Variants in UBE2E1 observed in about 807,000 individuals in gnomAD.
The protein encoded by UBE2E1 is ubiquitin-conjugating enzyme E2 E1.
A neutral mutation model predicts 21.4 loss-of-function variants in UBE2E1; 6 were observed. The observed-to-expected ratio is 0.28, with a 90% CI of 0.15 to 0.55. The LOEUF is 0.55. Ranked by LOEUF, UBE2E1 falls within the 20% of genes least tolerant of loss-of-function variation. The pLI, the probability that UBE2E1 is intolerant of heterozygous loss-of-function variation, is 0.93. For missense variants in UBE2E1, 142 were observed against 236.5 expected (o/e 0.60, Z 2.62); for synonymous variants, 87 against 82.7 (o/e 1.05, Z -0.28).
chr3:23,882,497 G>A (rs1482661855), intron 3 of UBE2E1, among the ~76,000 whole-genome samples: 1 of 152,232 alleles, frequency 6.6e-6, no homozygotes, highest in Admixed American at 6.5e-5. Flanking sequence ...GGGGCTGCGG[G>A]CGGAGCTGCC....
rs567914516 is a variant in UBE2E1 at position 23,871,728 on chromosome 3, C to T, written c.204-15839C>T. Among the ~76,000 whole-genome samples the T allele has an allele frequency of 3.9e-3, 590 of 151,338 alleles. 5 individuals are homozygous for T. The highest frequency in any genetic ancestry group is 0.012 in the African/African-American group (512 of 41,246). ...GCCGGGTAGAGGTGCTCCTCACATC[C>T]CAGACGGGGCGGCGGGGCAAAGGCG... On this transcript the variant is annotated intron_variant, in intron 3 of 5. Transcript: ENST00000306627.
At chr3:23,861,398 C>T (rs916805830) in intron 3 of UBE2E1, among the ~76,000 whole-genome samples, 3 of 152,150 alleles carry the variant, frequency 2.0e-5, no homozygotes, top group Non-Finnish European at 4.4e-5. Flanking sequence ...TCTGTTACCT[C>T]ACTCCTGATA....
chr3:23,840,321 G>A (rs1213554805), intron 3 of UBE2E1, among the ~76,000 whole-genome samples: 1 of 152,172 alleles, frequency 6.6e-6, no homozygotes, highest in Admixed American at 6.5e-5. Flanking sequence ...TCAAGCCCCT[G>A]CACATGCGTG....
chr3:23,824,855 C>T (rs1198670948), intron 3 of UBE2E1, among the ~76,000 whole-genome samples: 1 of 152,066 alleles, frequency 6.6e-6, no homozygotes, highest in African/African-American at 2.4e-5. Flanking sequence ...GTGAAGTTTT[C>T]TCAGAAATTT....
chr3:23,854,481 G>A (rs929938193), intron 3 of UBE2E1, among the ~76,000 whole-genome samples: 3 of 152,172 alleles, frequency 2.0e-5, no homozygotes, highest in Admixed American at 6.5e-5. Context: ...TAATGACACT[G>A]TCTGTCCCTT....
In UBE2E1 at chr3:23,887,448, A is replaced by T; in HGVS notation, c.204-119A>T. On this transcript the variant is annotated intron_variant, in intron 3 of 5. Transcript: ENST00000306627. This position sits in a 1 kb window ranked among gnomAD's most constrained non-coding sequence, Gnocchi z 4.4. Reference sequence around the variant, plus strand: ...CATCCGTTTCTGTACTTGTTTTGTAAAGAGAATCCACACAGTAAACAAAAG... The same window carrying T: ...CATCCGTTTCTGTACTTGTTTTGTATAGAGAATCCACACAGTAAACAAAAG... 1 of 1,351,342 alleles carries T rather than the reference A, an allele frequency of 7.4e-7. No homozygotes were observed. Among genetic ancestry groups the T allele is most frequent in the East Asian group, 2.4e-5 (1 of 40,894 alleles). 83.7% of individuals were successfully genotyped at this position (1,351,342 alleles called of 1,614,324 possible).
At position 23,807,234 on chromosome 3, in the gene UBE2E1, C is replaced by G; in HGVS notation, c.-33-3C>G. ...TTTCTGTTTTGTTTCTCTCCCCCTG[C>G]AGGGGCTGTTTGCGGGGTGGGGTGG... On this transcript the variant is annotated splice_polypyrimidine_tract_variant and splice_region_variant and intron_variant, in intron 1 of 5. Coordinates refer to ENST00000306627, the MANE Select transcript of UBE2E1 (RefSeq NM_003341.5). 6.3e-7 allele frequency: 1 copy of G among 1,596,670 alleles called. No individual in the cohort carries two copies. The highest frequency in any genetic ancestry group is 8.5e-7 in the Non-Finnish European group (1 of 1,173,366).
At chr3:23,866,038 A>C (rs1377330818) in intron 3 of UBE2E1, among the ~76,000 whole-genome samples, 1 of 152,170 alleles carries the variant, frequency 6.6e-6, no homozygotes, top group Non-Finnish European at 1.5e-5. Context: ...TGAGAAAGCA[A>C]CCAGACCCTC....
intron 3 of UBE2E1, among the ~76,000 whole-genome samples, chr3:23,826,811 G>C (rs1405444189): frequency 6.6e-6 from 1 of 152,162 alleles, no homozygotes; most frequent in African/African-American, 2.4e-5. Context: ...TGGAGTAGCA[G>C]TGTAATCATT....
rs150757268 is a variant in UBE2E1, at chr3:23,824,514, A to G, written c.203+13004A>G. On this transcript the variant is annotated intron_variant, in intron 3 of 5. Transcript: ENST00000306627. ...ATAGTCCAATTTTCATTGCTTTCCA[A>G]GATTTGAACTTTCTATCTGAATGTA... Among the ~76,000 whole-genome samples the G allele has an allele frequency of 9.9e-5, 15 of 152,270 alleles. No individual in the cohort carries two copies. The East Asian group carries it at 2.9e-3, about 29-fold the overall frequency.
intron 3 of UBE2E1, among the ~76,000 whole-genome samples, chr3:23,885,320 G>C (rs920941394): frequency 6.6e-6 from 1 of 152,172 alleles, no homozygotes. Context: ...AAAGTTTCGA[G>C]GGGATGCAAA....
chr3:23,826,769 C>G (rs1029767694), intron 3 of UBE2E1, among the ~76,000 whole-genome samples: 1 of 152,036 alleles, frequency 6.6e-6, no homozygotes, highest in African/African-American at 2.4e-5. Context: ...AAGGGGAGGT[C>G]TAAACACATG....
At chr3:23,844,027 C>A (rs1559482926) in intron 3 of UBE2E1, among the ~76,000 whole-genome samples, 2 of 152,140 alleles carry the variant, frequency 1.3e-5, no homozygotes, top group Non-Finnish European at 2.9e-5. Flanking sequence ...GCTCTTAGGG[C>A]TCCTTTAATG....
chr3:23,846,760 T>C (rs898100830), intron 3 of UBE2E1, among the ~76,000 whole-genome samples: 1 of 151,540 alleles, frequency 6.6e-6, no homozygotes. Flanking sequence ...GTTTAAGCTG[T>C]ATTTAATAAG....
chr3:23,888,200 C>T (rs924091106), intron 4 of UBE2E1: 11 of 456,756 alleles, frequency 2.4e-5, no homozygotes, highest in African/African-American at 2.2e-4. Context: ...TTCTGTTGTG[C>T]TCCCTGTCAT....
At chr3:23,862,013 T>G (rs1220793932) in intron 3 of UBE2E1, among the ~76,000 whole-genome samples, 2 of 152,156 alleles carry the variant, frequency 1.3e-5, no homozygotes, top group African/African-American at 4.8e-5. Context: ...CTGTAACATA[T>G]GCCCACTGGG....
chr3:23,857,716 C>A (rs891838379), intron 3 of UBE2E1, among the ~76,000 whole-genome samples: 7 of 152,206 alleles, frequency 4.6e-5, no homozygotes, highest in Non-Finnish European at 7.3e-5. Flanking sequence ...ACTCCAAGAG[C>A]TGTTGTGCTC....
chr3:23,860,131 G>A (rs1183732655), intron 3 of UBE2E1, among the ~76,000 whole-genome samples: 1 of 152,206 alleles, frequency 6.6e-6, no homozygotes, highest in Non-Finnish European at 1.5e-5. Context: ...GAAATTCAGA[G>A]CTCAGCCCTT....
chr3:23,842,238 TGTGTGTGTGTGG>T lies in UBE2E1; in HGVS notation c.203+30729_203+30740del, dbSNP rs1559482434. On this transcript the variant is annotated intron_variant, in intron 3 of 5. Coordinates refer to ENST00000306627, the MANE Select transcript of UBE2E1 (RefSeq NM_003341.5). The surrounding 1 kb of genome is among the most constrained non-coding windows in gnomAD (Gnocchi z 4.6). ...GTGTGTGTGTGTGTGTGTGTGTGTG[TGTGTGTGTGTGG>T]TGTTGTTGTTGTTGGCGACAGGGTC... Among the ~76,000 whole-genome samples, 1,514 of 75,568 alleles carry T rather than the reference TGTGTGTGTGTGG, an allele frequency of 0.02. 15 individuals carry two copies. The highest frequency in any genetic ancestry group is 0.026 in the African/African-American group (498 of 19,010). The allele number at this position is 75,568 out of a possible 152,430, so 49.6% of individuals were successfully genotyped here.
Sources: gnomAD v4.1 joint callset for allele counts (sites outside exome capture counted in the v4.1 genomes callset) on GRCh38, gnomAD v4.1.1 for gene constraint, Gnocchi (gnomAD v3.1) non-coding constraint, MANE v1.5 for transcripts, NCBI Gene and HGNC (gene_info 2026-07-23, HGNC 2026-07-21) for gene names.